Variants in MYO18A observed in about 807,000 individuals in gnomAD.
The protein encoded by MYO18A is unconventional myosin-XVIIIa.
A neutral mutation model predicts 235.8 loss-of-function variants in MYO18A; 78 were observed. That is an observed-to-expected ratio of 0.33 (90% CI 0.28 to 0.40). The LOEUF is 0.40. Ranked by LOEUF, MYO18A falls within the 10% of genes least tolerant of loss-of-function variation. The probability of loss-of-function intolerance (pLI) is 1.00; values close to 1 mark genes in which losing one functional copy is unlikely to be tolerated. For missense variants in MYO18A, 2,215 were observed against 2,699.3 expected, an observed-to-expected ratio of 0.82 and a Z score of 3.98; for synonymous variants, 977 against 1,077.8, an observed-to-expected ratio of 0.91 and a Z score of 1.83.
chr17:29,150,843 A>C (rs1028418553), intron 2 of MYO18A, among the ~76,000 whole-genome samples: 11 of 152,234 alleles, frequency 7.2e-5, no homozygotes, highest in Non-Finnish European at 1.3e-4. Context: ...TTTCTTCAAA[A>C]TCCCAAAACT....
At chr17:29,082,572 G>A (rs1598268605) in intron 40 of MYO18A, 134 bp from the exon 41 acceptor site, 4 of 841,708 alleles carry the variant, frequency 4.8e-6, no homozygotes, top group East Asian at 2.7e-5. Context: ...TCGGGAGGGC[G>A]GGAATGAGAG....
At chr17:29,093,072 C>T (rs1297428702) in intron 32 of MYO18A, 71 bp from the exon 33 acceptor site, 5 of 1,534,566 alleles carry the variant, frequency 3.3e-6, no homozygotes, top group East Asian at 2.4e-5. Context: ...CAAGCTCCCT[C>T]CTCACCACGT....
intron 2 of MYO18A, among the ~76,000 whole-genome samples, chr17:29,128,806 C>G (rs2067388972): frequency 6.6e-6 from 1 of 152,218 alleles, no homozygotes; most frequent in South Asian, 2.1e-4. Context: ...CTGTCTATCC[C>G]CAGACTTAGC....
intron 15 of MYO18A, among the ~76,000 whole-genome samples, chr17:29,112,895 T>C (rs997754732): frequency 8.6e-5 from 13 of 152,012 alleles, no homozygotes; most frequent in Non-Finnish European, 1.8e-4. Context: ...AGGAACCGAG[T>C]AGCAGGAACG....
rs1424562846 is a variant in MYO18A at position 29,074,721 on chromosome 17, AGGCAGCCACAGGCCCTGGGGTGAGAG to A, written c.*23_*48del. 6.3e-7 allele frequency: 1 copy of A among 1,599,832 alleles called. No individual in the cohort carries two copies. The highest frequency in any genetic ancestry group is 8.6e-7 in the Non-Finnish European group (1 of 1,168,312). On this transcript the variant is annotated 3_prime_UTR_variant, in exon 42 of 42. Transcript: ENST00000527372. The surrounding 1 kb of genome is among the most constrained non-coding windows in gnomAD (Gnocchi z 4.4). ...CCACCACTTCCTGGGAGAGGTGCCC[AGGCAGCCACAGGCCCTGGGGTGAGAG>A]GGCTGCCAACCACTCCCCTGGGCTA...
At chr17:29,137,697 G>A (rs1030823147) in intron 2 of MYO18A, among the ~76,000 whole-genome samples, 16 of 152,306 alleles carry the variant, frequency 1.1e-4, no homozygotes, top group South Asian at 8.3e-4. Context: ...GGTACAACCC[G>A]TTGTTGTATT....
chr17:29,122,073 G>A, intron 3 of MYO18A, 93 bp downstream of exon 3: 1 of 1,518,522 alleles, frequency 6.6e-7, no homozygotes, highest in Non-Finnish European at 9.1e-7. Context: ...CTTGCTCACT[G>A]CTCAGCCCTC....
chr17:29,076,335 T>TTA (rs1555620935), intron 41 of MYO18A: 10 of 110,752 alleles, frequency 9.0e-5, no homozygotes, highest in Non-Finnish European at 1.7e-4. Flanking sequence ...GACCTGAGAT[T>TTA]AAAAAAAAAA....
intron 2 of MYO18A, among the ~76,000 whole-genome samples, chr17:29,152,672 A>G (rs2067984280): frequency 6.6e-6 from 1 of 152,206 alleles, no homozygotes; most frequent in Non-Finnish European, 1.5e-5. Context: ...ACCAGGCACC[A>G]GTGCTTCCTG....
Position 29,074,073 on chromosome 17 carries a change from A to C in MYO18A, c.*697T>G. 1.2e-6 allele frequency: 2 copies of C among 1,614,108 alleles called. No homozygotes were observed. Among genetic ancestry groups the C allele is most frequent in the Non-Finnish European group, 1.7e-6 (2 of 1,180,040 alleles). ...TTGTCTGCGTAGGCTTGCTCAACCCAGCCCAGCAGCACCGGAGAGCCCCTC... is the reference window on the plus strand; with the variant it reads ...TTGTCTGCGTAGGCTTGCTCAACCCCGCCCAGCAGCACCGGAGAGCCCCTC... On this transcript the variant is annotated 3_prime_UTR_variant, in exon 42 of 42. Coordinates refer to ENST00000527372, the MANE Select transcript of MYO18A (RefSeq NM_078471.4). This position sits in a 1 kb window ranked among gnomAD's most constrained non-coding sequence, Gnocchi z 4.4.
At position 29,086,306 on chromosome 17, in the gene MYO18A, A is replaced by G; in HGVS notation, c.5852+132T>C. The G allele has an allele frequency of 2.9e-6, 3 of 1,026,120 alleles. No homozygotes were observed. The South Asian group carries it at 4.7e-5, about 16-fold the overall frequency. The allele number at this position is 1,026,120 out of a possible 1,614,324, so 63.6% of individuals were successfully genotyped here. ...ACAGGCTGTGCTGGGATCTGGCAGT[A>G]AAGGGAGGGTGGGTTGGCGGCTTGC... On this transcript the variant is annotated intron_variant, in intron 39 of 41. Coordinates refer to ENST00000527372, the MANE Select transcript of MYO18A (RefSeq NM_078471.4).
Position 29,109,850 on chromosome 17 carries a change from G to A in MYO18A, c.3331+8C>T. 6.5e-7 allele frequency: 1 copy of A among 1,550,082 alleles called. No homozygotes were observed. On this transcript the variant is annotated splice_region_variant and intron_variant, in intron 19 of 41. Coordinates refer to ENST00000527372, the MANE Select transcript of MYO18A (RefSeq NM_078471.4). The surrounding 1 kb of genome is among the most constrained non-coding windows in gnomAD (Gnocchi z 4.1). Reference sequence around the variant, plus strand: ...AGAGCCCAGAGTGGAGAGGAAAGGAGGCCCCACCTTGGCGGTACATGCGCA... The same window carrying A: ...AGAGCCCAGAGTGGAGAGGAAAGGAAGCCCCACCTTGGCGGTACATGCGCA...
At chr17:29,093,227 C>T (rs2066441918) in intron 32 of MYO18A, 96 bp downstream of exon 32, 2 of 1,202,202 alleles carry the variant, frequency 1.7e-6, no homozygotes, top group South Asian at 2.7e-5. Flanking sequence ...CCACCCCCGA[C>T]AGCTCTGTTC....
At chr17:29,157,746 TC>T (rs1474655130) in intron 2 of MYO18A, among the ~76,000 whole-genome samples, 1 of 152,184 alleles carries the variant, frequency 6.6e-6, no homozygotes, top group Non-Finnish European at 1.5e-5. Flanking sequence ...CCAGAACTTT[TC>T]ATGCCCTTCC....
intron 2 of MYO18A, among the ~76,000 whole-genome samples, chr17:29,131,918 G>A (rs143271381): frequency 6.6e-5 from 10 of 152,362 alleles, no homozygotes; most frequent in African/African-American, 2.4e-4. Context: ...TTAGAGTAGA[G>A]TGAAGGTTGG....
intron 38 of MYO18A, 89 bp downstream of exon 38, chr17:29,086,847 C>T (rs1391005602): frequency 7.0e-7 from 1 of 1,426,894 alleles, no homozygotes; most frequent in Non-Finnish European, 9.4e-7. Flanking sequence ...TCTTTGCACC[C>T]TATCCTCAAC....
At chr17:29,110,246 C>T in intron 18 of MYO18A, 145 bp from the exon 19 acceptor site, 1 of 1,322,188 alleles carries the variant, frequency 7.6e-7, no homozygotes. Context: ...CAACTCTGCC[C>T]TCGCCGGGCC....
chr17:29,153,849 T>G (rs2068006525), intron 2 of MYO18A, among the ~76,000 whole-genome samples: 1 of 152,088 alleles, frequency 6.6e-6, no homozygotes, highest in South Asian at 2.1e-4. Flanking sequence ...GAGGACCCTT[T>G]ATAAGATGGG....
chr17:29,075,101 AG>A, intron 41 of MYO18A, 187 bp from the exon 42 acceptor site: 1 of 620,912 alleles, frequency 1.6e-6, no homozygotes, highest in Non-Finnish European at 2.8e-6. Context: ...AGACTCTGGA[AG>A]CTTTTAAAGC....
Sources: gnomAD v4.1 joint callset for allele counts (sites outside exome capture counted in the v4.1 genomes callset) on GRCh38, gnomAD v4.1.1 for gene constraint, Gnocchi (gnomAD v3.1) non-coding constraint, MANE v1.5 for transcripts, NCBI Gene and HGNC (gene_info 2026-07-23, HGNC 2026-07-21) for gene names.